AFF3: variants seen among roughly 807,000 people sequenced by gnomAD.
The protein encoded by AFF3 is ALF transcription elongation factor 3.
Under a neutral mutation model 129.7 loss-of-function variants are expected in AFF3, and 32 were observed. That is an observed-to-expected ratio of 0.25 (90% CI 0.19 to 0.33). AFF3 has a LOEUF of 0.33. Among genes scored for constraint, AFF3 ranks in the 10% least tolerant of loss-of-function variants. The probability of loss-of-function intolerance (pLI) is 1.00; values close to 1 mark genes in which losing one functional copy is unlikely to be tolerated. For missense variants in AFF3, 1,373 were observed against 1,592.0 expected, an observed-to-expected ratio of 0.86 and a Z score of 2.34; for synonymous variants, 644 against 635.4, an observed-to-expected ratio of 1.01 and a Z score of -0.20.
chr2:99,692,268 A>G (rs1468653512), intron 11 of AFF3, among the ~76,000 whole-genome samples: 1 of 152,080 alleles, frequency 6.6e-6, no homozygotes, highest in Non-Finnish European at 1.5e-5. Context: ...CCAGTTGCTA[A>G]CTCTGATTTG....
At chr2:100,015,562 T>C (rs1382278695) in intron 4 of AFF3, among the ~76,000 whole-genome samples, 1 of 152,246 alleles carries the variant, frequency 6.6e-6, no homozygotes, top group Non-Finnish European at 1.5e-5. Flanking sequence ...TTAAATTTAA[T>C]GAGTCAAACT....
intron 4 of AFF3, among the ~76,000 whole-genome samples, chr2:100,048,421 T>C (rs986107089): frequency 2.0e-5 from 3 of 152,228 alleles, no homozygotes; most frequent in African/African-American, 7.2e-5. Flanking sequence ...TTGCTTAAAA[T>C]GGCAGAAACA....
intron 1 of AFF3, among the ~76,000 whole-genome samples, chr2:100,141,012 C>T (rs1435949644): frequency 6.7e-6 from 1 of 148,792 alleles, no homozygotes; most frequent in Non-Finnish European, 1.5e-5. Flanking sequence ...ACAATGATAA[C>T]AGCTGCTAAT....
chr2:99,807,525 C>T (rs1686448317), intron 8 of AFF3, among the ~76,000 whole-genome samples: 1 of 152,134 alleles, frequency 6.6e-6, no homozygotes, highest in Admixed American at 6.5e-5. Context: ...CTCCGTGGTC[C>T]TGGTTTTTCA....
At chr2:99,619,619 G>A (rs1212592725) in intron 13 of AFF3, among the ~76,000 whole-genome samples, 1 of 152,170 alleles carries the variant, frequency 6.6e-6, no homozygotes, top group South Asian at 2.1e-4. Flanking sequence ...CCCTAAGGAG[G>A]GGCGTGCCCG....
At chr2:100,092,006 C>A (rs1490767516) in intron 4 of AFF3, among the ~76,000 whole-genome samples, 1 of 148,976 alleles carries the variant, frequency 6.7e-6, no homozygotes, top group Non-Finnish European at 1.5e-5. Flanking sequence ...CTCATTCTCT[C>A]CTCCTCCGCC....
In AFF3 at chr2:99,894,342, G is replaced by A. The variant is rs1693778168; in HGVS notation, c.874-56818C>T. ...GTGGTGGGTTGAATGTTGAGGGAAGGGAGGAGAGAAAAAAGGGAGGAGGAA... is the reference window on the plus strand; with the variant it reads ...GTGGTGGGTTGAATGTTGAGGGAAGAGAGGAGAGAAAAAAGGGAGGAGGAA... On this transcript the variant is annotated intron_variant, in intron 7 of 24. Coordinates refer to ENST00000672756, the MANE Select transcript of AFF3 (RefSeq NM_001386135.1). Among the ~76,000 whole-genome samples, 2 of 152,018 alleles carry A rather than the reference G, an allele frequency of 1.3e-5. 1 individual carries two copies. Among genetic ancestry groups the A allele is most frequent in the Admixed American group, 1.3e-4 (2 of 15,260 alleles).
intron 11 of AFF3, among the ~76,000 whole-genome samples, chr2:99,683,564 C>T (rs1373271947): frequency 6.6e-6 from 1 of 152,068 alleles, no homozygotes; most frequent in Non-Finnish European, 1.5e-5. Context: ...ATCCTCCTGC[C>T]TCAGCCCCCC....
At chr2:99,910,350 CT>C (rs1695026078) in intron 7 of AFF3, among the ~76,000 whole-genome samples, 1 of 152,088 alleles carries the variant, frequency 6.6e-6, no homozygotes, top group Non-Finnish European at 1.5e-5. Flanking sequence ...CAAAACTAGA[CT>C]TGATTAATAA....
At chr2:99,929,064 T>C (rs1036864670) in intron 7 of AFF3, among the ~76,000 whole-genome samples, 1 of 152,170 alleles carries the variant, frequency 6.6e-6, no homozygotes, top group Admixed American at 6.5e-5. Flanking sequence ...TTTTGGACAA[T>C]TATTTAAGAA....
At chr2:99,988,672 T>C (rs1034065733) in intron 7 of AFF3, among the ~76,000 whole-genome samples, 19 of 152,198 alleles carry the variant, frequency 1.2e-4, no homozygotes, top group Admixed American at 3.9e-4. Context: ...AGGGGGCTGA[T>C]AAGCGTGGCA....
intron 13 of AFF3, among the ~76,000 whole-genome samples, chr2:99,636,930 G>A (rs1364251098): frequency 6.6e-6 from 1 of 152,238 alleles, no homozygotes; most frequent in Admixed American, 6.5e-5. Flanking sequence ...CGGGGCGGCA[G>A]CCTGTGAGCG....
At chr2:99,813,096 G>T (rs1363166784) in intron 8 of AFF3, among the ~76,000 whole-genome samples, 1 of 152,072 alleles carries the variant, frequency 6.6e-6, no homozygotes, top group African/African-American at 2.4e-5. Flanking sequence ...TTCCCTTCTG[G>T]AACATTTTCA....
intron 7 of AFF3, among the ~76,000 whole-genome samples, chr2:99,957,387 T>C (rs892395645): frequency 6.6e-6 from 1 of 152,172 alleles, no homozygotes; most frequent in Non-Finnish European, 1.5e-5. Context: ...TAATCCAGCA[T>C]GATATTTCAC....
At chr2:100,047,055 CAT>C (rs960121140) in intron 4 of AFF3, among the ~76,000 whole-genome samples, 21 of 152,136 alleles carry the variant, frequency 1.4e-4, no homozygotes, top group African/African-American at 3.9e-4. Context: ...CCACTAACCA[CAT>C]ATGGCATTTA....
intron 13 of AFF3, among the ~76,000 whole-genome samples, chr2:99,627,106 T>C (rs1422064048): frequency 6.6e-6 from 1 of 152,222 alleles, no homozygotes; most frequent in Non-Finnish European, 1.5e-5. Context: ...AGTAATGGAA[T>C]TGCTGGGTTG....
chr2:99,929,058 G>A lies in AFF3; in HGVS notation c.873+77574C>T, dbSNP rs568544285. Among the ~76,000 whole-genome samples, 3 of 152,246 alleles carry A rather than the reference G, an allele frequency of 2.0e-5. No individual in the cohort carries two copies. The East Asian group carries it at 5.8e-4, about 29-fold the overall frequency. On this transcript the variant is annotated intron_variant, in intron 7 of 24. Transcript: ENST00000672756. ...AATTGACATCAGTTTAATACATTTT[G>A]GACAATTATTTAAGAAATGGCATGC...
chr2:99,858,219 G>A (rs1690669292), intron 7 of AFF3, among the ~76,000 whole-genome samples: 2 of 152,092 alleles, frequency 1.3e-5, no homozygotes, highest in African/African-American at 4.8e-5. Flanking sequence ...AGCCTGGGCT[G>A]GCAGGCCCAC....
chr2:99,569,028 C>G (rs760983744), intron 18 of AFF3, 113 bp from the exon 19 acceptor site: 15 of 1,001,244 alleles, frequency 1.5e-5, no homozygotes, highest in Non-Finnish European at 2.3e-5. Context: ...CTGCTTAATG[C>G]GGAATTAAGT....
Sources: gnomAD v4.1 joint callset for allele counts (sites outside exome capture counted in the v4.1 genomes callset) on GRCh38, gnomAD v4.1.1 for gene constraint, MANE v1.5 for transcripts, NCBI Gene and HGNC (gene_info 2026-07-23, HGNC 2026-07-21) for gene names.